The following RXFP1 variants were observed in gnomAD, a reference collection of about 807,000 sequenced individuals.
RXFP1 encodes relaxin family peptide receptor 1, also known as relaxin receptor 1.
RXFP1 carries 73 observed loss-of-function variants against 89.8 expected under a neutral mutation model. The observed-to-expected ratio is 0.81, with a 90% CI of 0.67 to 0.99. RXFP1 has a LOEUF of 0.99. RXFP1 is among the 50% of genes least tolerant of loss of function. RXFP1 has a pLI of 0.00. For synonymous variants in RXFP1, 277 were observed against 305.5 expected, an observed-to-expected ratio of 0.91 and a Z score of 0.97; for missense variants, 793 against 895.5, an observed-to-expected ratio of 0.89 and a Z score of 1.46.
At chr4:158,580,224 G>A (rs1757073537) in intron 2 of RXFP1, among the ~76,000 whole-genome samples, 1 of 152,128 alleles carries the variant, frequency 6.6e-6, no homozygotes, top group Admixed American at 6.5e-5. Flanking sequence ...ATGAGGAGGA[G>A]GACTATTGCC....
chr4:158,548,317 A>T (rs531353865), intron 1 of RXFP1, among the ~76,000 whole-genome samples: 170 of 152,158 alleles, frequency 1.1e-3, no homozygotes, highest in Middle Eastern at 0.01. Context: ...ATCTTCCTCC[A>T]TCCCTTTATT....
intron 6 of RXFP1, chr4:158,610,800 C>A: frequency 1.1e-6 from 1 of 934,718 alleles, no homozygotes; most frequent in Non-Finnish European, 1.5e-6. Flanking sequence ...CACCTGGGCT[C>A]CAGGTTTGCA....
intron 14 of RXFP1, among the ~76,000 whole-genome samples, chr4:158,641,478 T>A (rs190465323): frequency 6.6e-6 from 1 of 152,292 alleles, no homozygotes; most frequent in East Asian, 1.9e-4. Flanking sequence ...CAAACAGAGT[T>A]ACTATAATTC....
chr4:158,628,664 A>G lies in RXFP1; in HGVS notation c.854A>G (p.His285Arg). The G allele has an allele frequency of 6.4e-7, 1 of 1,573,454 alleles. No individual in the cohort carries two copies. The highest frequency in any genetic ancestry group is 8.7e-7 in the Non-Finnish European group (1 of 1,145,814). ...VLVMRKNKIN[H>R]LNENTFAPLQ... ...GTGATGAGGAAAAACAAAATTAATC[A>G]CTTAAATGAAAATACTTTTGCACCT... Residue 285 changes from histidine (H) to arginine (R), a missense_variant, in exon 11 of 18, where the codon CAC (histidine) becomes CGC (arginine). His to Arg is a conservative substitution (Grantham distance 29, BLOSUM62 0). Coordinates refer to ENST00000307765, the MANE Select transcript of RXFP1 (RefSeq NM_021634.4).
chr4:158,570,347 G>A (rs1754772451), intron 1 of RXFP1, among the ~76,000 whole-genome samples: 2 of 152,196 alleles, frequency 1.3e-5, no homozygotes, highest in Non-Finnish European at 2.9e-5. Context: ...AAGTGTTGAA[G>A]TGAGTGAGAA....
chr4:158,563,763 G>C (rs1752973159), intron 1 of RXFP1, among the ~76,000 whole-genome samples: 1 of 151,388 alleles, frequency 6.6e-6, no homozygotes, highest in South Asian at 2.1e-4. Flanking sequence ...CCCTGTATAT[G>C]ACAGCGATCC....
chr4:158,635,332 A>G (rs1334754528), intron 12 of RXFP1, among the ~76,000 whole-genome samples: 1 of 152,212 alleles, frequency 6.6e-6, no homozygotes, highest in African/African-American at 2.4e-5. Context: ...TATTCATTGC[A>G]TATAGAAACA....
chr4:158,527,995 A>C (rs1325638770), intron 1 of RXFP1, among the ~76,000 whole-genome samples: 1 of 152,208 alleles, frequency 6.6e-6, no homozygotes, highest in East Asian at 1.9e-4. Flanking sequence ...GAAATTGTTA[A>C]AATAAATTTA....
chr4:158,565,032 C>T (rs1211334954), intron 1 of RXFP1, among the ~76,000 whole-genome samples: 1 of 152,030 alleles, frequency 6.6e-6, no homozygotes, highest in African/African-American at 2.4e-5. Context: ...AGAAGAATTT[C>T]GGAGTTCCAC....
chr4:158,649,513 A>G (rs1003559633), intron 17 of RXFP1, among the ~76,000 whole-genome samples: 7 of 152,282 alleles, frequency 4.6e-5, no homozygotes, highest in South Asian at 2.1e-4. Context: ...TGGGAGGCCA[A>G]TGTGGGAGGA....
chr4:158,552,880 T>A (rs569925206), intron 1 of RXFP1, among the ~76,000 whole-genome samples: 2 of 152,254 alleles, frequency 1.3e-5, no homozygotes, highest in South Asian at 4.1e-4. Context: ...AAAGTAAAGC[T>A]AAACACAAAA....
At chr4:158,523,413 A>AC (rs1741664396) in intron 1 of RXFP1, among the ~76,000 whole-genome samples, 1 of 152,180 alleles carries the variant, frequency 6.6e-6, no homozygotes. Context: ...CCACTGTGTT[A>AC]CCAGTCATTT....
At chr4:158,641,049 G>C (rs1770278692) in intron 14 of RXFP1, among the ~76,000 whole-genome samples, 1 of 152,186 alleles carries the variant, frequency 6.6e-6, no homozygotes, top group Non-Finnish European at 1.5e-5. Context: ...TTTAGATACT[G>C]TCAGCTACCA....
At chr4:158,593,072 G>A (rs1168992735) in intron 2 of RXFP1, among the ~76,000 whole-genome samples, 1 of 148,626 alleles carries the variant, frequency 6.7e-6, no homozygotes, top group Non-Finnish European at 1.5e-5. Context: ...GGGCGACCAG[G>A]CGAGACTCTG....
chr4:158,544,643 T>G (rs1174301278), intron 1 of RXFP1, among the ~76,000 whole-genome samples: 1 of 151,494 alleles, frequency 6.6e-6, no homozygotes, highest in Non-Finnish European at 1.5e-5. Flanking sequence ...TTCCCCTTCC[T>G]GTGTCCAAGT....
chr4:158,623,504 A>AAAAAAAAAAAAAAAAAC (rs1766073687), intron 9 of RXFP1, among the ~76,000 whole-genome samples: 1 of 83,630 alleles, frequency 1.2e-5, no homozygotes, highest in Non-Finnish European at 2.1e-5. Context: ...CTCCATCTCA[A>AAAAAAAAAAAAAAAAAC]AAAAAAAAAA....
At chr4:158,542,109 A>ATATATATATATT in intron 1 of RXFP1, among the ~76,000 whole-genome samples, 22 of 35,232 alleles carry the variant, frequency 6.2e-4, no homozygotes, top group African/African-American at 1.0e-3. Flanking sequence ...ATATATATAT[A>ATATATATATATT]TTTTTTTTTT....
chr4:158,573,084 C>G lies in RXFP1; in HGVS notation c.187+249C>G, dbSNP rs181682855. On this transcript the variant is annotated intron_variant, in intron 2 of 17. Transcript: ENST00000307765. ...AGTGCAGTGGCGTGATCTCGGCTCACTGCAACCTCTGCCTCCTGGGTTCAA... is the reference window on the plus strand; with the variant it reads ...AGTGCAGTGGCGTGATCTCGGCTCAGTGCAACCTCTGCCTCCTGGGTTCAA... The G allele has an allele frequency of 5.3e-4, 169 of 316,266 alleles. 1 individual carries two copies. Among genetic ancestry groups the G allele is most frequent in the African/African-American group, 3.4e-3 (158 of 46,304 alleles). 19.6% of individuals were successfully genotyped at this position (316,266 alleles called of 1,614,324 possible).
At position 158,608,053 on chromosome 4, in the gene RXFP1, A is replaced by G. The variant is rs748716048; in HGVS notation, c.536+10A>G. The G allele has an allele frequency of 1.3e-6, 2 of 1,563,992 alleles. No individual in the cohort carries two copies. The highest frequency in any genetic ancestry group is 1.7e-5 in the Admixed American group (1 of 58,770). On this transcript the variant is annotated intron_variant, in intron 6 of 17. Transcript: ENST00000307765. ...ATAGCCTTACTAAACTGTAAGTACC[A>G]GTGTGAATTAATTTGCCCATTCCAT...
Sources: gnomAD v4.1 joint callset for allele counts (sites outside exome capture counted in the v4.1 genomes callset) on GRCh38, gnomAD v4.1.1 for gene constraint, MANE v1.5 for transcripts, NCBI Gene and HGNC (gene_info 2026-07-23, HGNC 2026-07-21) for gene names.